The following JPH2 variants were observed in gnomAD, a reference collection of about 807,000 sequenced individuals.
JPH2 encodes the protein junctophilin-2.
Under a neutral mutation model 55.9 loss-of-function variants are expected in JPH2, and 38 were observed. The ratio of observed to expected loss-of-function variants is 0.68; its 90% CI spans 0.52 to 0.89. JPH2 has a LOEUF of 0.89. Among genes scored for constraint, JPH2 ranks in the 40% least tolerant of loss-of-function variants. The probability of loss-of-function intolerance (pLI) is 0.00; values close to 1 mark genes in which losing one functional copy is unlikely to be tolerated. For synonymous variants in JPH2, 480 were observed against 472.4 expected, an observed-to-expected ratio of 1.02 and a Z score of -0.21; for missense variants, 964 against 1,037.6, an observed-to-expected ratio of 0.93 and a Z score of 0.97.
intron 4 of JPH2, among the ~76,000 whole-genome samples, chr20:44,115,247 A>AG (rs1183854136): frequency 2.6e-5 from 4 of 152,046 alleles, no homozygotes; most frequent in Non-Finnish European, 5.9e-5. Context: ...ATAAGTCAGG[A>AG]GGTCTATAAC....
chr20:44,128,578 A>G (rs2072293338), intron 2 of JPH2, among the ~76,000 whole-genome samples: 1 of 152,018 alleles, frequency 6.6e-6, no homozygotes. Context: ...TTAATATAAG[A>G]CATATTGTAT....
intron 2 of JPH2, among the ~76,000 whole-genome samples, chr20:44,147,508 T>C (rs2145868895): frequency 6.6e-6 from 1 of 152,334 alleles, no homozygotes; most frequent in East Asian, 1.9e-4. Context: ...ATTATGTAGG[T>C]AGTCCTAGTT....
At chr20:44,184,016 C>A (rs2072809544) in intron 1 of JPH2, among the ~76,000 whole-genome samples, 2 of 122,064 alleles carry the variant, frequency 1.6e-5, no homozygotes, top group East Asian at 2.2e-4. Flanking sequence ...AAAAATTAGC[C>A]AGGTGAGGTG....
In JPH2 at chr20:44,160,301, C is replaced by T; in HGVS notation, c.486G>A (p.Ser162=). 6.5e-7 allele frequency: 1 copy of T among 1,547,576 alleles called. No homozygotes were observed. ...AVVVRSPLRT[S]LSSLRSEHSN... ...TGTGCTCGCTGCGCAGGGACGACAGCGACGTGCGCAGCGGCGAGCGCACCA... is the reference window on the plus strand; with the variant it reads ...TGTGCTCGCTGCGCAGGGACGACAGTGACGTGCGCAGCGGCGAGCGCACCA... The change falls in exon 2 of 6, where the codon TCG becomes TCA. Residue 162 remains serine, a synonymous_variant. Coordinates refer to ENST00000372980, the MANE Select transcript of JPH2 (RefSeq NM_020433.5). This position sits in a 1 kb window ranked among gnomAD's most constrained non-coding sequence, Gnocchi z 4.9.
At chr20:44,130,943 C>T (rs1455750688) in intron 2 of JPH2, among the ~76,000 whole-genome samples, 1 of 152,118 alleles carries the variant, frequency 6.6e-6, no homozygotes, top group Non-Finnish European at 1.5e-5. Context: ...AATCTGAAGT[C>T]ATGCTATGTG....
chr20:44,154,627 G>A (rs1389474847), intron 2 of JPH2, among the ~76,000 whole-genome samples: 1 of 152,154 alleles, frequency 6.6e-6, no homozygotes, highest in Admixed American at 6.5e-5. Flanking sequence ...CCGGAGGGAG[G>A]AGCTGGAAGC....
rs2072116694 is a variant in JPH2, at chr20:44,107,725, T to A, written c.*5793A>T. The stretch of plus-strand genomic sequence containing the variant: ...ACTAACTAATGCATGGATATAGAGA[T>A]GAATCACAGATAGCCCCTCTCTTAA... On this transcript the variant is annotated 3_prime_UTR_variant, in exon 6 of 6. Transcript: ENST00000372980. Among the ~76,000 whole-genome samples the A allele has an allele frequency of 6.6e-6, 1 of 152,214 alleles. No homozygotes were observed. Among genetic ancestry groups the A allele is most frequent in the African/African-American group, 2.4e-5 (1 of 41,456 alleles).
chr20:44,147,459 T>C (rs2072501086), intron 2 of JPH2, among the ~76,000 whole-genome samples: 1 of 152,136 alleles, frequency 6.6e-6, no homozygotes, highest in African/African-American at 2.4e-5. Flanking sequence ...CATAAAAAGA[T>C]CTCAAAACAT....
chr20:44,134,636 AATAT>A (rs1317154256), intron 2 of JPH2, among the ~76,000 whole-genome samples: 1 of 46,704 alleles, frequency 2.1e-5, no homozygotes, highest in Non-Finnish European at 3.4e-5. Flanking sequence ...ATTTATTATA[AATAT>A]ATAAATATTT....
intron 1 of JPH2, among the ~76,000 whole-genome samples, chr20:44,179,181 C>A (rs2072760171): frequency 1.3e-5 from 2 of 152,178 alleles, no homozygotes; most frequent in African/African-American, 4.8e-5. Context: ...TTACATGGAT[C>A]AGGGCCTCAT....
In JPH2 at chr20:44,178,265, C is replaced by T. The variant is rs117997652; in HGVS notation, c.379+8062G>A. ...ATTAACTGAGCAAGGTAAAAGAATT[C>T]AAAGTCAATATACAAAAATAGTTGT... On this transcript the variant is annotated intron_variant, in intron 1 of 5. Transcript: ENST00000372980. 2.3e-3 allele frequency among the ~76,000 whole-genome samples: 343 copies of T among 152,216 alleles called. 1 individual carries two copies. The highest frequency in any genetic ancestry group is 3.2e-3 in the Non-Finnish European group (221 of 68,012).
At chr20:44,164,687 CAA>C (rs2072641966) in intron 1 of JPH2, among the ~76,000 whole-genome samples, 1 of 143,806 alleles carries the variant, frequency 7.0e-6, no homozygotes, top group African/African-American at 2.9e-5. Context: ...AACAAACAAA[CAA>C]ACAAACAAAC....
intron 1 of JPH2, among the ~76,000 whole-genome samples, chr20:44,164,716 A>AAACC (rs1442001915): frequency 6.6e-5 from 9 of 137,004 alleles, no homozygotes; most frequent in Non-Finnish European, 1.1e-4. Flanking sequence ...ACAAACAAAC[A>AAACC]AACCTATAGT....
Position 44,115,960 on chromosome 20 carries a change from C to G in JPH2, c.1715G>C (p.Arg572Pro), listed in dbSNP as rs763423903. The G allele has an allele frequency of 1.3e-6, 2 of 1,572,606 alleles. No individual in the cohort carries two copies. Among genetic ancestry groups the G allele is most frequent in the Non-Finnish European group, 1.7e-6 (2 of 1,166,638 alleles). ...LYQGYHSYAV[R>P]TTPPEPPPFE... The stretch of plus-strand genomic sequence containing the variant: ...GGGTGGGGGCTCGGGCGGCGTGGTG[C>G]GCACAGCATAGCTGTGGTAGCCCTG... Residue 572 changes from arginine (R) to proline (P), a missense_variant, in exon 4 of 6, where the codon CGC becomes CCC. Physicochemically the swap from Arg to Pro is moderately radical, Grantham distance 103 (BLOSUM62 -2). Coordinates refer to ENST00000372980, the MANE Select transcript of JPH2 (RefSeq NM_020433.5).
At chr20:44,153,889 C>T (rs1290952049) in intron 2 of JPH2, among the ~76,000 whole-genome samples, 5 of 152,184 alleles carry the variant, frequency 3.3e-5, no homozygotes, top group Non-Finnish European at 5.9e-5. Context: ...TTACTCTTAA[C>T]ACTCACTGTG....
intron 2 of JPH2, among the ~76,000 whole-genome samples, chr20:44,153,745 G>A (rs993276120): frequency 6.6e-6 from 1 of 152,242 alleles, no homozygotes; most frequent in Non-Finnish European, 1.5e-5. Context: ...GCCCTGTGGC[G>A]TGTGTATATA....
intron 2 of JPH2, among the ~76,000 whole-genome samples, chr20:44,127,902 G>T (rs534336768): frequency 1.3e-5 from 2 of 152,282 alleles, no homozygotes; most frequent in African/African-American, 2.4e-5. Context: ...GTGCTTCACG[G>T]CTGCTTGTAT....
At chr20:44,184,229 A>G (rs1221414112) in intron 1 of JPH2, among the ~76,000 whole-genome samples, 1 of 152,098 alleles carries the variant, frequency 6.6e-6, no homozygotes, top group Non-Finnish European at 1.5e-5. Flanking sequence ...AAAATTGAGG[A>G]TGTTACGTAG....
At chr20:44,184,767 C>G (rs1339524988) in intron 1 of JPH2, among the ~76,000 whole-genome samples, 6 of 152,208 alleles carry the variant, frequency 3.9e-5, no homozygotes, top group Non-Finnish European at 1.5e-5. Context: ...CTTCTCTCTG[C>G]CCCATGCCCA....
Sources: allele counts gnomAD v4.1 joint callset (sites outside exome capture counted in the v4.1 genomes callset), GRCh38; gene constraint gnomAD v4.1.1; non-coding constraint Gnocchi (gnomAD v3.1); transcripts MANE v1.5; gene names NCBI Gene and HGNC (gene_info 2026-07-23, HGNC 2026-07-21).